The following GPSM2 variants were observed in gnomAD, a reference collection of about 807,000 sequenced individuals.
GPSM2 encodes the protein G protein-signaling modulator 2.
A neutral mutation model predicts 78.4 loss-of-function variants in GPSM2; 58 were observed. The observed-to-expected ratio is 0.74, with a 90% CI of 0.60 to 0.92. The LOEUF (loss-of-function observed/expected upper bound fraction) is 0.92. Among genes scored for constraint, GPSM2 ranks in the 40% least tolerant of loss-of-function variants. The pLI, the probability that GPSM2 is intolerant of heterozygous loss-of-function variation, is 0.00. For synonymous variants in GPSM2, 224 were observed against 280.2 expected, an observed-to-expected ratio of 0.80 and a Z score of 2.00; for missense variants, 700 against 815.5, an observed-to-expected ratio of 0.86 and a Z score of 1.73.
At chr1:108,916,742 AAT>A (rs1269272863) in intron 11 of GPSM2, among the ~76,000 whole-genome samples, 35 of 152,222 alleles carry the variant, frequency 2.3e-4, no homozygotes, top group African/African-American at 8.4e-4. Context: ...CTTAATGTAA[AAT>A]ATGTTTAAGT....
At chr1:108,911,103 CTAATA>C (rs144956884) in intron 10 of GPSM2, among the ~76,000 whole-genome samples, 13,900 of 151,956 alleles carry the variant, frequency 0.091, 665 homozygotes, top group Non-Finnish European at 0.1. Flanking sequence ...AGAGAAATAT[CTAATA>C]TAAGGATATA....
intron 7 of GPSM2, 117 bp downstream of exon 7, chr1:108,899,111 C>G: frequency 1.4e-6 from 1 of 695,086 alleles, no homozygotes; most frequent in Non-Finnish European, 2.6e-6. Flanking sequence ...CCTCAATTTC[C>G]TTATCTGTAA....
At chr1:108,894,185 A>G (rs533152130) in intron 2 of GPSM2, among the ~76,000 whole-genome samples, 14 of 152,238 alleles carry the variant, frequency 9.2e-5, no homozygotes, top group Non-Finnish European at 1.6e-4. Context: ...CAGAAATACA[A>G]TTCTAAAGGG....
At chr1:108,909,513 TAGAA>T (rs1365974820) in intron 10 of GPSM2, 3 of 152,194 alleles carry the variant, frequency 2.0e-5, no homozygotes, top group Non-Finnish European at 4.4e-5. Flanking sequence ...ATCTTAAAGT[TAGAA>T]AGTAACTTAG....
chr1:108,924,309 G>A (rs1650969400), intron 14 of GPSM2, 95 bp downstream of exon 14: 1 of 788,646 alleles, frequency 1.3e-6, no homozygotes. Context: ...GGCTTATTTT[G>A]TATTAGAGAG....
Position 108,922,518 on chromosome 1 carries a change from G to GA in GPSM2, c.1544dup (p.Asn515LysfsTer15). 1.2e-6 allele frequency: 2 copies of GA among 1,609,568 alleles called. No individual in the cohort carries two copies. The highest frequency in any genetic ancestry group is 1.7e-6 in the Non-Finnish European group (2 of 1,178,770). On this transcript the variant is annotated frameshift_variant, in exon 13 of 15. Coordinates refer to ENST00000264126, the MANE Select transcript of GPSM2 (RefSeq NM_013296.5). LOFTEE classifies it high-confidence loss of function. Reference sequence around the variant, plus strand: ...ATCAGAGATGTTGCTTACAAGAAAAGAACTGCCATACAGCTTCAACAACAA... The same window carrying GA: ...ATCAGAGATGTTGCTTACAAGAAAAGAAACTGCCATACAGCTTCAACAACAA...
intron 10 of GPSM2, among the ~76,000 whole-genome samples, chr1:108,914,094 C>T (rs757434502): frequency 6.6e-6 from 1 of 152,062 alleles, no homozygotes; most frequent in Non-Finnish European, 1.5e-5. Context: ...ATGTAGTAAC[C>T]AGTGTTAGTT....
chr1:108,879,515 T>C (rs1423391982), intron 1 of GPSM2, among the ~76,000 whole-genome samples: 1 of 152,186 alleles, frequency 6.6e-6, no homozygotes, highest in Non-Finnish European at 1.5e-5. Flanking sequence ...GGGGAAAAAA[T>C]ACCAGCAAGG....
chr1:108,928,637 G>GT (rs917848308), intron 14 of GPSM2, among the ~76,000 whole-genome samples: 8 of 152,282 alleles, frequency 5.3e-5, no homozygotes, highest in African/African-American at 1.9e-4. Context: ...GTGTATACTT[G>GT]TAAGTGCATG....
At chr1:108,890,759 A>G (rs1647909524) in intron 2 of GPSM2, among the ~76,000 whole-genome samples, 1 of 152,128 alleles carries the variant, frequency 6.6e-6, no homozygotes, top group South Asian at 2.1e-4. Flanking sequence ...TGAATTTGTA[A>G]TTTTGAATGG....
At chr1:108,911,837 T>C (rs1649772361) in intron 10 of GPSM2, among the ~76,000 whole-genome samples, 1 of 148,628 alleles carries the variant, frequency 6.7e-6, no homozygotes, top group Admixed American at 6.7e-5. Flanking sequence ...GACAGGCTCT[T>C]ACTCTGTCAC....
chr1:108,918,445 A>G (rs892590848), intron 11 of GPSM2, among the ~76,000 whole-genome samples, 168 bp from the exon 12 acceptor site: 1 of 152,238 alleles, frequency 6.6e-6, no homozygotes, highest in Admixed American at 6.5e-5. Context: ...ACAAGTCTTG[A>G]AAATAGTGCA....
rs1651901737 is a variant in GPSM2, at chr1:108,931,250, A to T, written c.*1310A>T. 1 of 1,431,338 alleles carries T rather than the reference A, an allele frequency of 7.0e-7. No individual in the cohort carries two copies. The highest frequency in any genetic ancestry group is 9.2e-7 in the Non-Finnish European group (1 of 1,081,124). The allele number at this position is 1,431,338 out of a possible 1,614,324, so 88.7% of individuals were successfully genotyped here. A position where few individuals can be genotyped will look rare whatever the true frequency, so the allele number is the denominator to read the frequency against. ...ACAGATGAAAACTCACAAAAATTAA[A>T]TATGAAAGAAAGATGTCAGCTAGAA... On this transcript the variant is annotated 3_prime_UTR_variant, in exon 15 of 15. Coordinates refer to ENST00000264126, the MANE Select transcript of GPSM2 (RefSeq NM_013296.5).
rs772166294 is a variant in GPSM2, at chr1:108,896,962, A to G, written c.155A>G (p.Gln52Arg). The G allele has an allele frequency of 6.2e-7, 1 of 1,613,716 alleles. No homozygotes were observed. The highest frequency in any genetic ancestry group is 8.5e-7 in the Non-Finnish European group (1 of 1,179,558). ...GTGTCATTCTTTGAAGCTGCAGTTCAAGTTGGAACTGAAGACCTAAAAACA... is the reference window on the plus strand; with the variant it reads ...GTGTCATTCTTTGAAGCTGCAGTTCGAGTTGGAACTGAAGACCTAAAAACA... Reference protein sequence around the residue: ...AGVSFFEAAVQVGTEDLKTLS... With the variant: ...AGVSFFEAAVRVGTEDLKTLS... The change falls in exon 3 of 15, where the codon CAA becomes CGA. Residue 52 changes from glutamine (Q) to arginine (R), a missense_variant. By Grantham distance (43) the Gln-to-Arg change is conservative. Transcript: ENST00000264126.
chr1:108,912,916 C>T (rs74113534), intron 10 of GPSM2, among the ~76,000 whole-genome samples: 5,652 of 86,758 alleles, frequency 0.065, 145 homozygotes, highest in South Asian at 0.1. Context: ...GGACACGGGG[C>T]GGGGGGCAAA....
intron 11 of GPSM2, 79 bp downstream of exon 11, chr1:108,914,487 T>C: frequency 9.5e-7 from 1 of 1,050,756 alleles, no homozygotes; most frequent in Non-Finnish European, 1.4e-6. Flanking sequence ...ATGAAATAAT[T>C]TAAATAAGGC....
rs1296795235 is a variant in GPSM2 at position 108,885,689 on chromosome 1, A to G, written c.56+111A>G. ...GAAAATACTCAAATATACCAGCCAT[A>G]GTATTGTCTGTAGACAATATTTTCT... On this transcript the variant is annotated intron_variant, in intron 2 of 14. Coordinates refer to ENST00000264126, the MANE Select transcript of GPSM2 (RefSeq NM_013296.5). 5.3e-6 allele frequency: 4 copies of G among 756,864 alleles called. No individual in the cohort carries two copies. In the African/African-American group the frequency reaches 6.9e-5, roughly 13 times the overall value. 46.9% of individuals were successfully genotyped at this position (756,864 alleles called of 1,614,324 possible).
At chr1:108,894,583 A>G (rs937061936) in intron 2 of GPSM2, among the ~76,000 whole-genome samples, 11 of 152,246 alleles carry the variant, frequency 7.2e-5, no homozygotes, top group African/African-American at 2.6e-4. Flanking sequence ...CTGTAATCCC[A>G]GCTGCTCAGG....
chr1:108,919,210 G>A lies in GPSM2; in HGVS notation c.1440+421G>A, dbSNP rs548535767. Among the ~76,000 whole-genome samples, 11 of 152,208 alleles carry A rather than the reference G, an allele frequency of 7.2e-5. No individual in the cohort carries two copies. In the East Asian group the frequency reaches 1.9e-3, roughly 27 times the overall value. ...TTCAGTAGAGACGGGGTTTCACCAC[G>A]TTGGCCAGGCTGGTGTCAAACTCCT... On this transcript the variant is annotated intron_variant, in intron 12 of 14. Transcript: ENST00000264126.
Sources: allele counts gnomAD v4.1 joint callset (sites outside exome capture counted in the v4.1 genomes callset), GRCh38; gene constraint gnomAD v4.1.1; transcripts MANE v1.5; gene names NCBI Gene and HGNC (gene_info 2026-07-23, HGNC 2026-07-21).